Variants in DGKB observed in about 807,000 individuals in gnomAD.
The protein encoded by DGKB is diacylglycerol kinase beta, also known as 90 kDa diacylglycerol kinase.
Under a neutral mutation model 114.3 loss-of-function variants are expected in DGKB, and 67 were observed. That is an observed-to-expected ratio of 0.59 (90% CI 0.48 to 0.72). The LOEUF (loss-of-function observed/expected upper bound fraction) is 0.72. Among genes scored for constraint, DGKB ranks in the 30% least tolerant of loss-of-function variants. The pLI, the probability that DGKB is intolerant of heterozygous loss-of-function variation, is 0.00. For missense variants in DGKB, 907 were observed against 975.2 expected, an observed-to-expected ratio of 0.93 and a Z score of 0.93; for synonymous variants, 398 against 323.1, an observed-to-expected ratio of 1.23 and a Z score of -2.49.
intron 23 of DGKB, among the ~76,000 whole-genome samples, chr7:14,187,093 A>G (rs755121140): frequency 6.6e-6 from 1 of 152,256 alleles, no homozygotes; most frequent in African/African-American, 2.4e-5. Context: ...CATACATAAC[A>G]CCTTAAAATA....
chr7:14,505,222 A>C (rs944038200), intron 20 of DGKB, among the ~76,000 whole-genome samples: 2 of 152,214 alleles, frequency 1.3e-5, no homozygotes, highest in African/African-American at 4.8e-5. Flanking sequence ...TGGTAGGCCA[A>C]GGCTGGCAGA....
chr7:14,820,016 G>C (rs1459632622), intron 2 of DGKB, among the ~76,000 whole-genome samples: 1 of 152,086 alleles, frequency 6.6e-6, no homozygotes, highest in Non-Finnish European at 1.5e-5. Flanking sequence ...TAGGGAGAGA[G>C]ATTTTTGAAT....
intron 2 of DGKB, among the ~76,000 whole-genome samples, chr7:14,766,357 A>C (rs1056025305): frequency 6.6e-6 from 1 of 151,900 alleles, no homozygotes; most frequent in Non-Finnish European, 1.5e-5. Context: ...GGAGTAGGAA[A>C]GATGAATTAT....
chr7:14,708,511 A>G (rs894780254), intron 6 of DGKB, among the ~76,000 whole-genome samples: 8 of 151,338 alleles, frequency 5.3e-5, no homozygotes, highest in African/African-American at 7.4e-5. Context: ...CGCCAAGTGA[A>G]TCCTAAGCCA....
intron 1 of DGKB, among the ~76,000 whole-genome samples, chr7:14,924,200 T>C (rs1291510445): frequency 6.6e-6 from 1 of 152,106 alleles, no homozygotes; most frequent in Non-Finnish European, 1.5e-5. Context: ...AAAAATATTT[T>C]TGCTGGGTAT....
At chr7:14,446,326 A>C (rs978005389) in intron 21 of DGKB, among the ~76,000 whole-genome samples, 17 of 152,128 alleles carry the variant, frequency 1.1e-4, no homozygotes, top group Admixed American at 1.0e-3. Flanking sequence ...CTCTTCTGAG[A>C]TCCTCATCAA....
At chr7:14,781,548 C>T (rs913280179) in intron 2 of DGKB, among the ~76,000 whole-genome samples, 10 of 152,154 alleles carry the variant, frequency 6.6e-5, no homozygotes, top group African/African-American at 2.4e-4. Flanking sequence ...TTCTCTTAAT[C>T]ACAATTTTTC....
chr7:14,476,446 A>T (rs1053349772), intron 21 of DGKB, among the ~76,000 whole-genome samples: 1 of 152,114 alleles, frequency 6.6e-6, no homozygotes, highest in Non-Finnish European at 1.5e-5. Context: ...CTTTGATTTA[A>T]TTTTGAAATG....
chr7:14,919,393 T>G (rs7798462), intron 1 of DGKB, among the ~76,000 whole-genome samples: 21,808 of 152,086 alleles, frequency 0.14, 1,621 homozygotes, highest in Admixed American at 0.2. Flanking sequence ...TTTCAACAAG[T>G]GCTGCTGGAA....
chr7:14,623,643 T>C (rs1014708983), intron 14 of DGKB, among the ~76,000 whole-genome samples: 1 of 152,256 alleles, frequency 6.6e-6, no homozygotes, highest in African/African-American at 2.4e-5. Context: ...ACTGAATATA[T>C]TTTGTGTGTG....
chr7:14,792,755 A>AT (rs1840854532), intron 2 of DGKB, among the ~76,000 whole-genome samples: 1 of 152,152 alleles, frequency 6.6e-6, no homozygotes, highest in South Asian at 2.1e-4. Context: ...AAAAGACACC[A>AT]TATCTACAGT....
chr7:14,949,425 T>C (rs11970978), intron 1 of DGKB, among the ~76,000 whole-genome samples: 6,681 of 151,896 alleles, frequency 0.044, 439 homozygotes, highest in African/African-American at 0.15. Context: ...ACACATCATA[T>C]AGAAAATTGT....
chr7:14,950,964 T>G (rs1237417678), intron 1 of DGKB, among the ~76,000 whole-genome samples: 1 of 151,898 alleles, frequency 6.6e-6, no homozygotes, highest in African/African-American at 2.4e-5. Context: ...ATATAATATA[T>G]CATATTAATA....
chr7:14,712,456 G>A (rs1230327106), intron 6 of DGKB, among the ~76,000 whole-genome samples: 1 of 151,994 alleles, frequency 6.6e-6, no homozygotes, highest in African/African-American at 2.4e-5. Flanking sequence ...GCGGATATTT[G>A]AGGTCAGGAG....
chr7:14,890,501 C>T (rs947228968), intron 1 of DGKB, among the ~76,000 whole-genome samples: 1 of 151,312 alleles, frequency 6.6e-6, no homozygotes, highest in African/African-American at 2.4e-5. Flanking sequence ...GAAATGAAGT[C>T]CTAGCACAAG....
chr7:14,636,015 T>C (rs1810686749), intron 13 of DGKB, among the ~76,000 whole-genome samples: 1 of 151,658 alleles, frequency 6.6e-6, no homozygotes, highest in Admixed American at 6.6e-5. Context: ...TTGAAAAAGA[T>C]CTTGAATTAA....
intron 21 of DGKB, among the ~76,000 whole-genome samples, chr7:14,393,080 CT>C (rs1329780341): frequency 8.9e-5 from 13 of 146,878 alleles, no homozygotes; most frequent in Non-Finnish European, 1.5e-4. Context: ...GCTCTGCCCC[CT>C]GGGGTTCACG....
At chr7:14,831,844 A>G (rs1356548170) in intron 2 of DGKB, among the ~76,000 whole-genome samples, 1 of 152,126 alleles carries the variant, frequency 6.6e-6, no homozygotes, top group East Asian at 1.9e-4. Flanking sequence ...AAGATAAACT[A>G]CGCTTATTTA....
At chr7:14,840,809 G>T (rs541664568) in intron 2 of DGKB, among the ~76,000 whole-genome samples, 1 of 150,188 alleles carries the variant, frequency 6.7e-6, no homozygotes, top group African/African-American at 2.4e-5. Flanking sequence ...GCACAGCATT[G>T]CTTTTTTCTC....
Sources: allele counts gnomAD v4.1 joint callset (sites outside exome capture counted in the v4.1 genomes callset), GRCh38; gene constraint gnomAD v4.1.1; transcripts MANE v1.5; gene names NCBI Gene and HGNC (gene_info 2026-07-23, HGNC 2026-07-21).